The following GPATCH1 variants were observed in gnomAD, a reference collection of about 807,000 sequenced individuals.
GPATCH1 encodes the protein G patch domain-containing protein 1.
In GPATCH1, 73 loss-of-function variants were observed where a neutral mutation model predicts 114.9. That is an observed-to-expected ratio of 0.64 (90% confidence interval 0.53 to 0.77). The LOEUF (loss-of-function observed/expected upper bound fraction) is 0.77. Among genes scored for constraint, GPATCH1 ranks in the 30% least tolerant of loss-of-function variants. The pLI is 0.00. For missense variants in GPATCH1, 1,058 were observed against 1,144.3 expected (o/e 0.92, Z 1.09); for synonymous variants, 391 against 428.4 (o/e 0.91, Z 1.08).
chr19:33,114,098 C>G (rs1176416280), intron 14 of GPATCH1, among the ~76,000 whole-genome samples, 155 bp from the exon 15 acceptor site: 3 of 152,192 alleles, frequency 2.0e-5, no homozygotes, highest in African/African-American at 7.2e-5. Flanking sequence ...GGTTGGGGCT[C>G]TGTCTCTGCC....
chr19:33,110,380 C>G (rs1198375146), intron 11 of GPATCH1, among the ~76,000 whole-genome samples: 1 of 152,190 alleles, frequency 6.6e-6, no homozygotes, highest in Non-Finnish European at 1.5e-5. Context: ...CCATCCATTC[C>G]TGACTCATAG....
At chr19:33,126,868 G>A (rs1852592965) in intron 19 of GPATCH1, 135 bp downstream of exon 19, 1 of 736,902 alleles carries the variant, frequency 1.4e-6, no homozygotes, top group Admixed American at 2.9e-5. Flanking sequence ...TATAATCCCA[G>A]CACTTTGGGA....
chr19:33,092,564 G>A (rs1041730273), intron 3 of GPATCH1, among the ~76,000 whole-genome samples: 5 of 152,144 alleles, frequency 3.3e-5, no homozygotes, highest in Non-Finnish European at 7.4e-5. Flanking sequence ...AATGTGTGGC[G>A]GTGCAGAGGA....
At chr19:33,099,917 C>T (rs1568342221) in intron 8 of GPATCH1, among the ~76,000 whole-genome samples, 1 of 151,564 alleles carries the variant, frequency 6.6e-6, no homozygotes, top group Non-Finnish European at 1.5e-5. Context: ...ATTACAGGCG[C>T]CTGCTACCAC....
intron 15 of GPATCH1, among the ~76,000 whole-genome samples, chr19:33,116,923 G>T (rs1174165383): frequency 6.6e-6 from 1 of 152,080 alleles, no homozygotes; most frequent in African/African-American, 2.4e-5. Flanking sequence ...GGCTGGGTGT[G>T]TTGGCTCACA....
At chr19:33,106,049 A>G (rs1017383962) in intron 9 of GPATCH1, among the ~76,000 whole-genome samples, 1 of 152,002 alleles carries the variant, frequency 6.6e-6, no homozygotes, top group African/African-American at 2.4e-5. Flanking sequence ...GGGTTTCACC[A>G]TATTGGCCAG....
At chr19:33,114,797 C>CTTTTTTTTTTTT (rs546074419) in intron 15 of GPATCH1, among the ~76,000 whole-genome samples, 1 of 87,168 alleles carries the variant, frequency 1.1e-5, no homozygotes, top group Non-Finnish European at 2.1e-5. Context: ...CTATTTCTCT[C>CTTTTTTTTTTTT]TTTTTTTTTT....
At chr19:33,100,780 C>CT (rs746559066) in intron 8 of GPATCH1, among the ~76,000 whole-genome samples, 1,444 of 135,222 alleles carry the variant, frequency 0.011, 13 homozygotes, top group Middle Eastern at 0.034. Context: ...GTAGAAGGGG[C>CT]TTTTTTTTTT....
chr19:33,114,534 TC>T, intron 15 of GPATCH1, 115 bp downstream of exon 15: 1 of 813,794 alleles, frequency 1.2e-6, no homozygotes, highest in South Asian at 2.0e-5. Flanking sequence ...TTGATCCATT[TC>T]CCCTTAAAGG....
chr19:33,106,958 A>G, intron 10 of GPATCH1, 59 bp downstream of exon 10: 10 of 1,397,560 alleles, frequency 7.2e-6, no homozygotes, highest in Non-Finnish European at 9.0e-6. Flanking sequence ...CAAAATCAAA[A>G]TGGAAAGTTG....
intron 5 of GPATCH1, 82 bp from the exon 6 acceptor site, chr19:33,095,680 G>A: frequency 1.1e-6 from 1 of 897,454 alleles, no homozygotes; most frequent in South Asian, 1.3e-5. Context: ...GGGATTACAG[G>A]TGTGATCCAC....
chr19:33,120,283 A>T (rs1442428487), intron 17 of GPATCH1, among the ~76,000 whole-genome samples: 20 of 134,398 alleles, frequency 1.5e-4, no homozygotes, highest in Non-Finnish European at 2.8e-4. Flanking sequence ...ATTATATATA[A>T]AAATTATATA....
In GPATCH1 at chr19:33,114,319, T is replaced by G; in HGVS notation, c.2096T>G (p.Phe699Cys). The G allele has an allele frequency of 6.2e-7, 1 of 1,613,620 alleles. No individual in the cohort carries two copies. The highest frequency in any genetic ancestry group is 8.5e-7 in the Non-Finnish European group (1 of 1,179,658). ...HEKKEDSISE[F>C]LSLARSKAEP... Reference sequence around the variant, plus strand: ...AAGAAAGAAGATTCCATTAGTGAATTTTTAAGTTTGGCTAGATCAAAAGCC... The same window carrying G: ...AAGAAAGAAGATTCCATTAGTGAATGTTTAAGTTTGGCTAGATCAAAAGCC... The change falls in exon 15 of 20, where the codon TTT becomes TGT. Residue 699 changes from phenylalanine to cysteine, a missense_variant. Physicochemically the swap from Phe to Cys is radical, Grantham distance 205 (BLOSUM62 -2). This residue lies in a region of GPATCH1 where 893 missense variants were observed against 977.4 expected (regional missense o/e 0.91). Transcript: ENST00000170564.
intron 17 of GPATCH1, among the ~76,000 whole-genome samples, chr19:33,119,421 C>G (rs1360719177): frequency 6.6e-6 from 1 of 152,088 alleles, no homozygotes; most frequent in Non-Finnish European, 1.5e-5. Flanking sequence ...AGAGCCTGGC[C>G]GGGCACAGTG....
At chr19:33,097,660 TG>T in intron 7 of GPATCH1, 94 bp from the exon 8 acceptor site, 1 of 1,127,500 alleles carries the variant, frequency 8.9e-7, no homozygotes, top group Admixed American at 2.0e-5. Flanking sequence ...AGTGCTAACA[TG>T]GTTTCCAATC....
intron 9 of GPATCH1, among the ~76,000 whole-genome samples, chr19:33,103,322 A>G (rs1190428296): frequency 6.6e-6 from 1 of 152,222 alleles, no homozygotes; most frequent in Non-Finnish European, 1.5e-5. Context: ...TATCTAGGAC[A>G]GTGTCGGGCA....
intron 6 of GPATCH1, 84 bp from the exon 7 acceptor site, chr19:33,096,123 A>T: frequency 7.3e-7 from 1 of 1,369,298 alleles, no homozygotes; most frequent in Non-Finnish European, 1.0e-6. Flanking sequence ...TGTGGCATTA[A>T]TCACTGCGTT....
intron 1 of GPATCH1, among the ~76,000 whole-genome samples, chr19:33,087,002 T>C (rs1449723120): frequency 6.6e-6 from 1 of 152,012 alleles, no homozygotes; most frequent in Non-Finnish European, 1.5e-5. Context: ...ATTTCTTGTG[T>C]CTCCCTCTTC....
chr19:33,081,332 A>G (rs558317264), intron 1 of GPATCH1, 66 bp downstream of exon 1: 1 of 1,326,886 alleles, frequency 7.5e-7, no homozygotes, highest in South Asian at 1.3e-5. Context: ...TCGGGCCACA[A>G]AAGCACAAGT....
Sources: gnomAD v4.1 joint callset for allele counts (sites outside exome capture counted in the v4.1 genomes callset) on GRCh38, gnomAD v4.1.1 for gene constraint, gnomAD v4.1.1 regional missense constraint, MANE v1.5 for transcripts, NCBI Gene and HGNC (gene_info 2026-07-23, HGNC 2026-07-21) for gene names.